Variants in PLXDC2 observed in about 807,000 individuals in gnomAD.
PLXDC2 encodes the protein plexin domain containing 2.
In PLXDC2, 40 loss-of-function variants were observed where a neutral mutation model predicts 68.9. That is an observed-to-expected ratio of 0.58 (90% CI 0.45 to 0.76). PLXDC2 has a LOEUF of 0.76. Among genes scored for constraint, PLXDC2 ranks in the 30% least tolerant of loss-of-function variants. The probability of loss-of-function intolerance (pLI) is 0.00; values close to 1 mark genes in which losing one functional copy is unlikely to be tolerated. For synonymous variants in PLXDC2, 243 were observed against 234.2 expected (o/e 1.04, Z -0.34); for missense variants, 644 against 661.9 (o/e 0.97, Z 0.30).
chr10:19,932,760 A>G (rs1833661685), intron 1 of PLXDC2, among the ~76,000 whole-genome samples: 1 of 150,980 alleles, frequency 6.6e-6, no homozygotes, highest in Non-Finnish European at 1.5e-5. Flanking sequence ...TAAAAAAACC[A>G]CATTCTTTCT....
At chr10:20,164,434 C>G (rs763877128) in intron 6 of PLXDC2, 34 bp from the exon 7 acceptor site, 2 of 1,521,344 alleles carry the variant, frequency 1.3e-6, no homozygotes, top group South Asian at 2.2e-5. Context: ...AAATTCAGAT[C>G]TAACATATAG....
At chr10:19,915,862 A>AAAGAAGAAG (rs71507296) in intron 1 of PLXDC2, among the ~76,000 whole-genome samples, 2 of 150,006 alleles carry the variant, frequency 1.3e-5, no homozygotes, top group African/African-American at 4.9e-5. Flanking sequence ...AACCAAAAAA[A>AAAGAAGAAG]AAGAAGAAGA....
At chr10:20,260,739 A>C (rs1466838379) in intron 13 of PLXDC2, among the ~76,000 whole-genome samples, 1 of 152,142 alleles carries the variant, frequency 6.6e-6, no homozygotes, top group Non-Finnish European at 1.5e-5. Context: ...GTCATATGGT[A>C]CTTCTATTTT....
At chr10:20,203,292 A>AT (rs10582241) in intron 9 of PLXDC2, among the ~76,000 whole-genome samples, 6,229 of 144,698 alleles carry the variant, frequency 0.043, 244 homozygotes, top group Admixed American at 0.12. Context: ...AATAAGATGA[A>AT]TTTTTTTTTT....
intron 9 of PLXDC2, among the ~76,000 whole-genome samples, chr10:20,197,305 C>G (rs982949230): frequency 1.3e-5 from 2 of 151,994 alleles, no homozygotes; most frequent in Non-Finnish European, 2.9e-5. Context: ...TTCAAAAAAC[C>G]ATATATCAGC....
chr10:20,143,197 A>G, intron 4 of PLXDC2, 98 bp from the exon 5 acceptor site: 3 of 1,268,888 alleles, frequency 2.4e-6, no homozygotes, highest in Non-Finnish European at 3.2e-6. Context: ...ATGACATTTT[A>G]TTTTCATAAT....
intron 2 of PLXDC2, among the ~76,000 whole-genome samples, chr10:20,009,431 G>C (rs952606486): frequency 6.6e-6 from 1 of 152,010 alleles, no homozygotes; most frequent in African/African-American, 2.4e-5. Flanking sequence ...TGTTTAACAT[G>C]TGGCTGCAAA....
intron 4 of PLXDC2, among the ~76,000 whole-genome samples, chr10:20,089,277 A>G (rs1213853283): frequency 6.6e-6 from 1 of 151,898 alleles, no homozygotes; most frequent in Non-Finnish European, 1.5e-5. Flanking sequence ...ATCAATTTCC[A>G]ATGTATGAGT....
chr10:19,852,932 A>G (rs1589501346), intron 1 of PLXDC2, among the ~76,000 whole-genome samples: 2 of 152,212 alleles, frequency 1.3e-5, no homozygotes, highest in African/African-American at 4.8e-5. Context: ...GCACAATAAA[A>G]TAGGCAATAT....
chr10:20,246,433 T>C (rs1835596385), intron 13 of PLXDC2, among the ~76,000 whole-genome samples: 2 of 152,262 alleles, frequency 1.3e-5, no homozygotes, highest in African/African-American at 4.8e-5. Flanking sequence ...CACTGCAACC[T>C]CTGCCTTCCG....
chr10:20,004,429 A>G (rs1241693187), intron 2 of PLXDC2, among the ~76,000 whole-genome samples: 1 of 152,280 alleles, frequency 6.6e-6, no homozygotes, highest in Non-Finnish European at 1.5e-5. Context: ...GGTAGGCAAC[A>G]TAATTCTTCC....
At chr10:20,065,291 G>T (rs142103087) in intron 3 of PLXDC2, among the ~76,000 whole-genome samples, 1 of 152,294 alleles carries the variant, frequency 6.6e-6, no homozygotes, top group Non-Finnish European at 1.5e-5. Context: ...GAGTATGAGG[G>T]CAAAAGTTGT....
chr10:20,164,452 C>T lies in PLXDC2; in HGVS notation c.784-16C>T. ...TTCAGATCTAACATATAGTTACCTG[C>T]TTTGTTTTTTTCCAGATTCCTGTCT... On this transcript the variant is annotated splice_polypyrimidine_tract_variant and intron_variant, in intron 6 of 13. Transcript: ENST00000377252. 5.7e-6 allele frequency: 9 copies of T among 1,586,208 alleles called. No homozygotes were observed. Among genetic ancestry groups the T allele is most frequent in the Non-Finnish European group, 7.8e-6 (9 of 1,155,030 alleles).
chr10:20,146,488 T>TTCCTTCCTTCCTTCCTTCC (rs1554769785), intron 5 of PLXDC2, among the ~76,000 whole-genome samples: 1 of 81,338 alleles, frequency 1.2e-5, no homozygotes, highest in African/African-American at 4.4e-5. Flanking sequence ...TTCTTTTCTT[T>TTCCTTCCTTCCTTCCTTCC]TTCCTTCCTT....
At chr10:20,144,003 GA>G (rs34205077) in intron 5 of PLXDC2, among the ~76,000 whole-genome samples, 86,381 of 151,670 alleles carry the variant, frequency 0.57, 24,966 homozygotes, top group Middle Eastern at 0.63. Context: ...ATAAAATAGA[GA>G]AAAAAACTAT....
intron 7 of PLXDC2, among the ~76,000 whole-genome samples, chr10:20,169,782 C>T (rs56086252): frequency 2.0e-5 from 3 of 152,148 alleles, no homozygotes; most frequent in Admixed American, 6.5e-5. Flanking sequence ...CGTTAACACT[C>T]CCATGCAGGG....
intron 2 of PLXDC2, among the ~76,000 whole-genome samples, chr10:20,033,509 A>G (rs1460707054): frequency 6.6e-6 from 1 of 152,216 alleles, no homozygotes; most frequent in African/African-American, 2.4e-5. Context: ...TGGGTAATTC[A>G]TAAAGGAAAG....
At chr10:20,248,259 G>C (rs1238794657) in intron 13 of PLXDC2, among the ~76,000 whole-genome samples, 1 of 152,148 alleles carries the variant, frequency 6.6e-6, no homozygotes, top group Non-Finnish European at 1.5e-5. Flanking sequence ...ATATTGTTTT[G>C]AGTATTAGTC....
chr10:19,846,240 G>A (rs1283153491), intron 1 of PLXDC2, among the ~76,000 whole-genome samples: 1 of 152,150 alleles, frequency 6.6e-6, no homozygotes, highest in Non-Finnish European at 1.5e-5. Context: ...TGGCAGGAAA[G>A]CTGTTTTTAG....
Sources: allele counts gnomAD v4.1 joint callset (sites outside exome capture counted in the v4.1 genomes callset), GRCh38; gene constraint gnomAD v4.1.1; transcripts MANE v1.5; gene names NCBI Gene and HGNC (gene_info 2026-07-23, HGNC 2026-07-21).